ZEB1: variants seen among roughly 807,000 people sequenced by gnomAD.
ZEB1 encodes zinc finger E-box-binding homeobox 1.
ZEB1 carries 21 observed loss-of-function variants against 84.9 expected under a neutral mutation model. The observed-to-expected ratio is 0.25, with a 90% CI of 0.18 to 0.36. The LOEUF is 0.36. ZEB1 is among the 10% of genes least tolerant of loss of function. ZEB1 has a pLI of 1.00. For missense variants in ZEB1, 1,104 were observed against 1,330.2 expected, an observed-to-expected ratio of 0.83 and a Z score of 2.65; for synonymous variants, 420 against 471.1, an observed-to-expected ratio of 0.89 and a Z score of 1.41.
intron 2 of ZEB1, among the ~76,000 whole-genome samples, chr10:31,480,751 T>A (rs577980148): frequency 6.1e-4 from 93 of 152,150 alleles, no homozygotes; most frequent in African/African-American, 2.0e-3. Context: ...ATCAAACAAA[T>A]TTGCTACCTA....
rs574583123 is a variant in ZEB1, at chr10:31,443,727, A to G, written c.59-17310A>G. 1.2e-3 allele frequency among the ~76,000 whole-genome samples: 184 copies of G among 150,132 alleles called. 1 individual carries two copies. The highest frequency in any genetic ancestry group is 2.1e-3 in the Non-Finnish European group (146 of 67,964). ...GATTTCCAATTTCATCCATGTCCTT[A>G]CAAAGGACATGAACTCATCATTTTT... On this transcript the variant is annotated intron_variant, in intron 1 of 8. Transcript: ENST00000424869.
At chr10:31,377,204 A>C (rs1483503870) in intron 1 of ZEB1, among the ~76,000 whole-genome samples, 2 of 151,150 alleles carry the variant, frequency 1.3e-5, no homozygotes, top group African/African-American at 4.9e-5. Flanking sequence ...GTTCTAATGT[A>C]ACCAGTCAAC....
intron 1 of ZEB1, among the ~76,000 whole-genome samples, chr10:31,382,280 TTTC>T (rs2047827829): frequency 6.6e-6 from 1 of 152,180 alleles, no homozygotes; most frequent in African/African-American, 2.4e-5. Context: ...AGCAAATGAT[TTTC>T]TTAATTTTTG....
At chr10:31,372,863 A>G (rs2045957840) in intron 1 of ZEB1, among the ~76,000 whole-genome samples, 1 of 151,984 alleles carries the variant, frequency 6.6e-6, no homozygotes, top group Non-Finnish European at 1.5e-5. Context: ...CTAGAATTTT[A>G]TGGGATTCTT....
intron 2 of ZEB1, among the ~76,000 whole-genome samples, chr10:31,485,946 T>C (rs1429933059): frequency 6.6e-6 from 1 of 151,900 alleles, no homozygotes. Context: ...TTTTCTCTTC[T>C]TGAGAATGTT....
chr10:31,490,481 G>A (rs1282123682), intron 2 of ZEB1, among the ~76,000 whole-genome samples: 1 of 151,486 alleles, frequency 6.6e-6, no homozygotes, highest in Admixed American at 6.6e-5. Flanking sequence ...AGCCCATCCA[G>A]TGATTTTTAA....
chr10:31,450,906 G>A (rs1479511474), intron 1 of ZEB1, among the ~76,000 whole-genome samples: 1 of 152,010 alleles, frequency 6.6e-6, no homozygotes, highest in Non-Finnish European at 1.5e-5. Context: ...GTGCGCATGT[G>A]TGCCTGTGTG....
At chr10:31,475,010 A>G (rs910694231) in intron 2 of ZEB1, among the ~76,000 whole-genome samples, 12 of 142,226 alleles carry the variant, frequency 8.4e-5, no homozygotes, top group East Asian at 2.2e-4. Flanking sequence ...GAATTGAACA[A>G]TGAGATCACA....
Position 31,345,987 on chromosome 10 carries a change from T to A in ZEB1, c.58+26695T>A, listed in dbSNP as rs552075569. On this transcript the variant is annotated intron_variant, in intron 1 of 8. Coordinates refer to ENST00000424869, the MANE Select transcript of ZEB1 (RefSeq NM_001174096.2). Reference sequence around the variant, plus strand: ...AATCCATCTGGTCTGGTTCATTTTATAGATAGAACTGAGAACCTCAAAAAG... The same window carrying A: ...AATCCATCTGGTCTGGTTCATTTTAAAGATAGAACTGAGAACCTCAAAAAG... Among the ~76,000 whole-genome samples the A allele has an allele frequency of 1.0e-3, 152 of 152,318 alleles. 3 individuals carry two copies. Among genetic ancestry groups the A allele is most frequent in the Middle Eastern group, 3.4e-3 (1 of 294 alleles).
Position 31,326,717 on chromosome 10 carries a change from T to C in ZEB1, c.58+7425T>C, listed in dbSNP as rs148506368. Reference sequence around the variant, plus strand: ...GGTAACAAGCAAGAACTAGATACCATGAATTTTCAAATTTATTATACTTAA... The same window carrying C: ...GGTAACAAGCAAGAACTAGATACCACGAATTTTCAAATTTATTATACTTAA... On this transcript the variant is annotated intron_variant, in intron 1 of 8. Transcript: ENST00000424869. Among the ~76,000 whole-genome samples the C allele has an allele frequency of 5.9e-3, 899 of 152,336 alleles. 41 individuals carry two copies. Among genetic ancestry groups the C allele is most frequent in the Admixed American group, 0.051 (781 of 15,298 alleles).
intron 1 of ZEB1, among the ~76,000 whole-genome samples, chr10:31,443,678 T>C (rs1411809068): frequency 2.0e-5 from 3 of 150,120 alleles, no homozygotes; most frequent in Non-Finnish European, 1.5e-5. Flanking sequence ...TTTTTTGTTC[T>C]TGCGATAGTT....
chr10:31,330,568 C>A (rs1049561864), intron 1 of ZEB1, among the ~76,000 whole-genome samples: 1 of 152,072 alleles, frequency 6.6e-6, no homozygotes, highest in African/African-American at 2.4e-5. Flanking sequence ...TAGCTTTTAT[C>A]TTTAGATGGG....
intron 1 of ZEB1, among the ~76,000 whole-genome samples, chr10:31,356,409 T>A (rs1419507715): frequency 1.3e-5 from 2 of 152,024 alleles, no homozygotes; most frequent in Non-Finnish European, 2.9e-5. Context: ...TTAATGAATA[T>A]CAGATTTGGA....
At chr10:31,449,855 G>A (rs1186797160) in intron 1 of ZEB1, among the ~76,000 whole-genome samples, 1 of 152,164 alleles carries the variant, frequency 6.6e-6, no homozygotes, top group Non-Finnish European at 1.5e-5. Flanking sequence ...GTATTACCAA[G>A]TGTTTTGCAT....
At chr10:31,397,241 G>GT (rs1327410948) in intron 1 of ZEB1, among the ~76,000 whole-genome samples, 2 of 147,794 alleles carry the variant, frequency 1.4e-5, no homozygotes, top group Middle Eastern at 3.6e-3. Context: ...ACATCTTGGG[G>GT]TTTTTTTAAT....
intron 1 of ZEB1, among the ~76,000 whole-genome samples, chr10:31,447,173 CTTCT>C (rs1199399601): frequency 2.6e-5 from 4 of 151,952 alleles, no homozygotes; most frequent in Non-Finnish European, 5.9e-5. Context: ...ATGTAATGGC[CTTCT>C]TTGTCTCTTT....
chr10:31,448,791 C>A (rs1168288570), intron 1 of ZEB1, among the ~76,000 whole-genome samples: 9 of 152,142 alleles, frequency 5.9e-5, no homozygotes, highest in African/African-American at 1.7e-4. Context: ...CAGCTGCGTA[C>A]TGGGAGAACC....
intron 1 of ZEB1, among the ~76,000 whole-genome samples, chr10:31,394,499 A>G (rs2050339240): frequency 1.3e-5 from 2 of 152,328 alleles, no homozygotes; most frequent in Admixed American, 1.3e-4. Context: ...AAAAACAACA[A>G]TATCAGCATC....
intron 1 of ZEB1, among the ~76,000 whole-genome samples, chr10:31,335,572 A>G (rs1164210594): frequency 6.6e-6 from 1 of 152,220 alleles, no homozygotes; most frequent in Non-Finnish European, 1.5e-5. Flanking sequence ...TCCATCTGTG[A>G]TAAAACTCTT....
Sources: gnomAD v4.1 joint callset for allele counts (sites outside exome capture counted in the v4.1 genomes callset) on GRCh38, gnomAD v4.1.1 for gene constraint, MANE v1.5 for transcripts, NCBI Gene and HGNC (gene_info 2026-07-23, HGNC 2026-07-21) for gene names.